NEBL: variants seen among roughly 807,000 people sequenced by gnomAD.
NEBL encodes nebulette.
NEBL carries 122 observed loss-of-function variants against 140.2 expected under a neutral mutation model. The ratio of observed to expected loss-of-function variants is 0.87; its 90% confidence interval spans 0.75 to 1.01. The LOEUF is 1.01. Among genes scored for constraint, NEBL ranks in the 50% least tolerant of loss-of-function variants. NEBL has a pLI of 0.00. For missense variants in NEBL, 1,365 were observed against 1,231.3 expected (o/e 1.11, Z -1.62); for synonymous variants, 436 against 398.9 (o/e 1.09, Z -1.11).
intron 4 of NEBL, among the ~76,000 whole-genome samples, chr10:20,918,699 A>G (rs1359173179): frequency 6.6e-6 from 1 of 151,472 alleles, no homozygotes; most frequent in East Asian, 2.0e-4. Flanking sequence ...ATAAAAAAAA[A>G]AACTATACAG....
At chr10:21,021,009 C>CAGCT (rs781145617) in intron 2 of NEBL, among the ~76,000 whole-genome samples, 2 of 152,184 alleles carry the variant, frequency 1.3e-5, no homozygotes, top group Non-Finnish European at 2.9e-5. Flanking sequence ...GTCCAAAACA[C>CAGCT]AGCTGTTCAT....
chr10:20,910,821 C>T (rs1556996), intron 4 of NEBL, among the ~76,000 whole-genome samples: 149,924 of 151,068 alleles, frequency 0.99, 74,395 homozygotes, highest in East Asian at 1. Context: ...TGGTGTTTTT[C>T]GTTTTTGTTT....
intron 2 of NEBL, among the ~76,000 whole-genome samples, chr10:21,149,411 C>T (rs1840050485): frequency 6.6e-6 from 1 of 152,170 alleles, no homozygotes; most frequent in East Asian, 1.9e-4. Flanking sequence ...TCACCTCAGC[C>T]TCCTGAGTAG....
rs141505982 is a variant in NEBL, at chr10:21,292,418, C to T, written n.182+412G>A. Among the ~76,000 whole-genome samples, 325 of 152,306 alleles carry T rather than the reference C, an allele frequency of 2.1e-3. 2 individuals carry two copies. The highest frequency in any genetic ancestry group is 3.2e-3 in the Non-Finnish European group (218 of 68,012). ...TCTTATTAGTCTCTCACACTACATA[C>T]TGTCAATGCAAAAGACCACTTAGGA... On this transcript the variant is annotated intron_variant and non_coding_transcript_variant, in intron 1 of 8. Transcript: ENST00000675702.
chr10:21,087,941 C>G (rs563774026), intron 2 of NEBL, among the ~76,000 whole-genome samples: 70 of 152,288 alleles, frequency 4.6e-4, no homozygotes, highest in African/African-American at 1.4e-3. Context: ...CTGAATCTGA[C>G]GATTTGCAAT....
At chr10:21,289,876 G>C (rs1843119763) in intron 1 of NEBL, among the ~76,000 whole-genome samples, 1 of 152,206 alleles carries the variant, frequency 6.6e-6, no homozygotes, top group Admixed American at 6.5e-5. Context: ...TCACTTGCCT[G>C]TTGTCTGTGG....
intron 2 of NEBL, among the ~76,000 whole-genome samples, chr10:21,248,556 C>A (rs1842547856): frequency 6.6e-6 from 1 of 152,058 alleles, no homozygotes; most frequent in African/African-American, 2.4e-5. Context: ...TTTTGCTTAC[C>A]CATTGATCTA....
chr10:21,025,672 T>C (rs1455598952), intron 2 of NEBL, among the ~76,000 whole-genome samples: 3 of 152,260 alleles, frequency 2.0e-5, no homozygotes, highest in African/African-American at 7.2e-5. Flanking sequence ...TTATCCAGAT[T>C]CCGGTGCTTA....
At chr10:20,869,601 TA>T (rs1272163553) in intron 6 of NEBL, 138 bp downstream of exon 6, 4 of 694,014 alleles carry the variant, frequency 5.8e-6, no homozygotes, top group Non-Finnish European at 1.0e-5. Flanking sequence ...ATAGATAATT[TA>T]GGGGGGGAAA....
intron 2 of NEBL, among the ~76,000 whole-genome samples, chr10:21,027,371 A>G (rs1463498276): frequency 6.7e-6 from 1 of 150,322 alleles, no homozygotes; most frequent in Non-Finnish European, 1.5e-5. Flanking sequence ...TCTGTCACCT[A>G]GGCTGAAGTG....
At chr10:20,936,730 C>T (rs556776338) in intron 4 of NEBL, among the ~76,000 whole-genome samples, 2 of 152,296 alleles carry the variant, frequency 1.3e-5, no homozygotes, top group Admixed American at 6.5e-5. Context: ...AGGATTACCA[C>T]TCATTATAGT....
At chr10:21,144,430 T>C (rs1360805279) in intron 2 of NEBL, among the ~76,000 whole-genome samples, 1 of 152,124 alleles carries the variant, frequency 6.6e-6, no homozygotes, top group Non-Finnish European at 1.5e-5. Context: ...CTTGCTCAAA[T>C]AAAATCAGAA....
At chr10:20,785,949 G>A (rs200858512) in intron 27 of NEBL, 26 bp from the exon 28 acceptor site, 89 of 1,605,280 alleles carry the variant, frequency 5.5e-5, no homozygotes, top group East Asian at 8.9e-5. Context: ...GGGATTATAC[G>A]ATGAATGCCG....
At chr10:21,184,863 G>A (rs542868215) in intron 3 of NEBL, among the ~76,000 whole-genome samples, 2 of 152,124 alleles carry the variant, frequency 1.3e-5, no homozygotes, top group South Asian at 2.1e-4. Flanking sequence ...GAAAACATTG[G>A]CCTGGTGTAC....
At chr10:20,841,886 A>AT (rs1841439866) in intron 12 of NEBL, among the ~76,000 whole-genome samples, 2 of 152,102 alleles carry the variant, frequency 1.3e-5, no homozygotes, top group African/African-American at 4.8e-5. Flanking sequence ...CACATTAATA[A>AT]TAGTTTGAAT....
chr10:21,278,852 G>T (rs79396500), intron 1 of NEBL, among the ~76,000 whole-genome samples: 1 of 151,978 alleles, frequency 6.6e-6, no homozygotes, highest in South Asian at 2.1e-4. Flanking sequence ...CTCACTCCCC[G>T]CAAGGCCTGT....
chr10:21,162,699 C>T lies in NEBL; in HGVS notation c.164+9684G>A, dbSNP rs536184315. Among the ~76,000 whole-genome samples, 6 of 152,284 alleles carry T rather than the reference C, an allele frequency of 3.9e-5. No homozygotes were observed. The South Asian group carries it at 8.3e-4, about 21-fold the overall frequency. On this transcript the variant is annotated intron_variant, in intron 2 of 6. Transcript: ENST00000417816. Reference sequence around the variant, plus strand: ...ACCAACTCAAATGGGAAGACAAACACGACCATCATACAAAGCAGGCTCTTT... The same window carrying T: ...ACCAACTCAAATGGGAAGACAAACATGACCATCATACAAAGCAGGCTCTTT...
intron 1 of NEBL, among the ~76,000 whole-genome samples, chr10:21,266,532 C>G (rs1842798717): frequency 6.6e-6 from 1 of 152,206 alleles, no homozygotes; most frequent in African/African-American, 2.4e-5. Flanking sequence ...AAGGCAGGCC[C>G]CAATTCCCCA....
At chr10:20,862,863 T>A (rs1843859735) in intron 7 of NEBL, among the ~76,000 whole-genome samples, 1 of 151,876 alleles carries the variant, frequency 6.6e-6, no homozygotes, top group Non-Finnish European at 1.5e-5. Context: ...ATTTATCACC[T>A]TTTTTTATTA....
Sources: allele counts gnomAD v4.1 joint callset (sites outside exome capture counted in the v4.1 genomes callset), GRCh38; gene constraint gnomAD v4.1.1; transcripts MANE v1.5; gene names NCBI Gene and HGNC (gene_info 2026-07-23, HGNC 2026-07-21).